The following LEPR variants were observed in gnomAD, a reference collection of about 807,000 sequenced individuals.
LEPR encodes leptin receptor, also known as OB receptor.
A neutral mutation model predicts 114.7 loss-of-function variants in LEPR; 56 were observed. The ratio of observed to expected loss-of-function variants is 0.49; its 90% CI spans 0.39 to 0.61. The LOEUF (loss-of-function observed/expected upper bound fraction) is 0.61, where lower values mean the gene tolerates loss of function less well. Ranked by LOEUF, LEPR falls within the 20% of genes least tolerant of loss-of-function variation. The probability of loss-of-function intolerance (pLI) is 0.00; values close to 1 mark genes in which losing one functional copy is unlikely to be tolerated. For missense variants in LEPR, 1,202 were observed against 1,352.9 expected (o/e 0.89, Z 1.75); for synonymous variants, 443 against 461.4 (o/e 0.96, Z 0.51).
intron 2 of LEPR, among the ~76,000 whole-genome samples, chr1:65,426,256 T>C (rs1232438276): frequency 7.5e-6 from 1 of 134,164 alleles, no homozygotes; most frequent in Non-Finnish European, 1.5e-5. Flanking sequence ...TATATAGCCT[T>C]TTCAGGAAAC....
intron 2 of LEPR, among the ~76,000 whole-genome samples, chr1:65,451,783 A>C (rs1008862672): frequency 1.3e-5 from 2 of 150,532 alleles, no homozygotes; most frequent in African/African-American, 4.9e-5. Context: ...TTCCATATGA[A>C]CTTTAAAGTA....
chr1:65,483,677 T>C (rs1240831883), intron 2 of LEPR, among the ~76,000 whole-genome samples: 1 of 152,186 alleles, frequency 6.6e-6, no homozygotes, highest in Non-Finnish European at 1.5e-5. Flanking sequence ...CTTGCCATCC[T>C]CAGTCCTTGG....
intron 2 of LEPR, among the ~76,000 whole-genome samples, chr1:65,462,836 T>C (rs1200602132): frequency 6.6e-6 from 1 of 152,260 alleles, no homozygotes; most frequent in Non-Finnish European, 1.5e-5. Context: ...GCCCACTTTT[T>C]GATGGGGTTG....
intron 2 of LEPR, among the ~76,000 whole-genome samples, chr1:65,452,346 T>C (rs1472010856): frequency 1.3e-5 from 2 of 149,730 alleles, no homozygotes; most frequent in Non-Finnish European, 3.0e-5. Flanking sequence ...AGGGCATCCC[T>C]GTCTTGTGCC....
chr1:65,526,546 T>C, intron 2 of LEPR: 1 of 417,248 alleles, frequency 2.4e-6, no homozygotes. Context: ...GAGTTCTTTA[T>C]ACTGAAGGGT....
At chr1:65,636,129 A>T (rs1423090088) in intron 19 of LEPR, 62 bp from the exon 20 acceptor site, 12 of 1,576,376 alleles carry the variant, frequency 7.6e-6, no homozygotes, top group Non-Finnish European at 9.6e-6. Context: ...TTCTGCCAGT[A>T]TGACATAATG....
chr1:65,519,611 T>C (rs1351238732), intron 2 of LEPR, among the ~76,000 whole-genome samples: 1 of 152,104 alleles, frequency 6.6e-6, no homozygotes, highest in Non-Finnish European at 1.5e-5. Flanking sequence ...CTGTTTAAGA[T>C]AGCCTTCTAA....
At chr1:65,525,660 C>T (rs894997703) in intron 2 of LEPR, 2 of 985,606 alleles carry the variant, frequency 2.0e-6, no homozygotes, top group South Asian at 4.7e-5. Flanking sequence ...CACTCGGCTG[C>T]CCTCCTCCTC....
At chr1:65,458,049 A>G (rs934107047) in intron 2 of LEPR, among the ~76,000 whole-genome samples, 2 of 152,244 alleles carry the variant, frequency 1.3e-5, no homozygotes, top group South Asian at 2.1e-4. Context: ...AAATGTGCCA[A>G]CAATGTGATA....
intron 2 of LEPR, among the ~76,000 whole-genome samples, chr1:65,529,163 G>C (rs1180935145): frequency 6.6e-6 from 1 of 151,926 alleles, no homozygotes; most frequent in African/African-American, 2.4e-5. Context: ...AGATTATTTT[G>C]CTTAACATTA....
intron 2 of LEPR, among the ~76,000 whole-genome samples, chr1:65,516,639 T>G (rs1649301854): frequency 6.6e-6 from 1 of 152,376 alleles, no homozygotes. Flanking sequence ...AATGTTTACT[T>G]TGGTCTCAGA....
intron 2 of LEPR, among the ~76,000 whole-genome samples, chr1:65,439,992 TTC>T (rs1360550186): frequency 8.1e-6 from 1 of 123,386 alleles, no homozygotes; most frequent in Non-Finnish European, 1.7e-5. Context: ...GGAAGAGAGA[TTC>T]TGTCTCAAAA....
At chr1:65,423,420 T>C (rs1218798691) in intron 1 of LEPR, among the ~76,000 whole-genome samples, 1 of 152,014 alleles carries the variant, frequency 6.6e-6, no homozygotes, top group African/African-American at 2.4e-5. Context: ...GTTGTGAACG[T>C]TGAGAAACTG....
At chr1:65,589,677 T>C (rs13375132) in intron 5 of LEPR, among the ~76,000 whole-genome samples, 1,881 of 152,162 alleles carry the variant, frequency 0.012, 36 homozygotes, top group African/African-American at 0.043. Flanking sequence ...TCAGAAAGAT[T>C]ATCATTTTTC....
At position 65,622,214 on chromosome 1, in the gene LEPR, G is replaced by A. The variant is rs528639249; in HGVS notation, c.2598-692G>A. ...AGGAAATCCTAAGCAGTATGTTCTT[G>A]GAGGTGGCAAAAATGGCTTTCAGAG... On this transcript the variant is annotated intron_variant, in intron 18 of 19. Transcript: ENST00000349533. Among the ~76,000 whole-genome samples the A allele has an allele frequency of 1.1e-4, 17 of 152,300 alleles. No homozygotes were observed. In the South Asian group the frequency reaches 3.5e-3, roughly 32 times the overall value.
At position 65,601,542 on chromosome 1, in the gene LEPR, ATGT is replaced by A; in HGVS notation, c.1149_1151del (p.Val384del). 6.2e-7 allele frequency: 1 copy of A among 1,613,808 alleles called. No homozygotes were observed. Among genetic ancestry groups the A allele is most frequent in the Non-Finnish European group, 8.5e-7 (1 of 1,179,762 alleles). ...GAGAAAATTCCTCAAAGCCAGTATG[ATGT>A]TGTGAGTGATCATGTTAGCAAAGTT... On this transcript the variant is annotated inframe_deletion, in exon 9 of 20. Coordinates refer to ENST00000349533, the MANE Select transcript of LEPR (RefSeq NM_002303.6).
intron 2 of LEPR, among the ~76,000 whole-genome samples, chr1:65,446,477 G>A (rs928170780): frequency 2.6e-5 from 4 of 152,144 alleles, no homozygotes; most frequent in Admixed American, 2.6e-4. Context: ...GTGGGTTTTG[G>A]CCAGCTTCTT....
In LEPR at chr1:65,636,233, G is replaced by C; in HGVS notation, c.2716G>C (p.Val906Leu). The part of the protein sequence containing the change: ...EHLFIKHTAS[V>L]TCGPLLLEPE... ...TCTTTTTATCAAGCATACAGCATCA[G>C]TGACATGTGGTCCTCTTCTTTTGGA... The change falls in exon 20 of 20, where the codon GTG (valine) becomes CTG (leucine). Residue 906 changes from valine to leucine, a missense_variant. Val to Leu is a conservative substitution (Grantham distance 32). Transcript: ENST00000349533. The C allele has an allele frequency of 6.2e-7, 1 of 1,613,946 alleles. No individual in the cohort carries two copies. Among genetic ancestry groups the C allele is most frequent in the Non-Finnish European group, 8.5e-7 (1 of 1,179,884 alleles).
chr1:65,456,864 C>T (rs1646883341), intron 2 of LEPR, among the ~76,000 whole-genome samples: 1 of 151,880 alleles, frequency 6.6e-6, no homozygotes, highest in Non-Finnish European at 1.5e-5. Flanking sequence ...TATTTGTTGC[C>T]CTTGTTCTTT....
Sources: gnomAD v4.1 joint callset for allele counts (sites outside exome capture counted in the v4.1 genomes callset) on GRCh38, gnomAD v4.1.1 for gene constraint, MANE v1.5 for transcripts, NCBI Gene and HGNC (gene_info 2026-07-23, HGNC 2026-07-21) for gene names.